TEX46: variants seen among roughly 807,000 people sequenced by gnomAD.
TEX46 encodes testis expressed 46.
TEX46 carries 6 observed loss-of-function variants against 5.3 expected under a neutral mutation model. The ratio of observed to expected loss-of-function variants is 1.13; its 90% confidence interval spans 0.62 to 2.23. TEX46 has a LOEUF of 2.23. Ranked by LOEUF, TEX46 falls within the 30% of genes most tolerant of loss-of-function variation. TEX46 has a pLI of 0.00. For missense variants in TEX46, 131 were observed against 150.9 expected (o/e 0.87, Z 0.69); for synonymous variants, 41 against 54.6 (o/e 0.75, Z 1.10).
chr1:23,014,147 T>C, intron 1 of TEX46, 102 bp from the exon 2 acceptor site: 1 of 1,438,084 alleles, frequency 7.0e-7, no homozygotes, highest in East Asian at 2.5e-5. Flanking sequence ...GGCCACCCAC[T>C]CCTCTGAGTC....
chr1:23,012,237 G>C (rs1641360960), intron 2 of TEX46, among the ~76,000 whole-genome samples: 1 of 151,972 alleles, frequency 6.6e-6, no homozygotes, highest in Non-Finnish European at 1.5e-5. Flanking sequence ...CAGCTACTTG[G>C]GAGGCTGAGG....
Position 23,014,946 on chromosome 1 carries a change from G to A in TEX46, c.2+826C>T, listed in dbSNP as rs183711898. Reference sequence around the variant, plus strand: ...CAACCTCTGCCTCCCAGGTTCAAGCGATTTTCCTGCCTTAGCCTCCCAAGT... The same window carrying A: ...CAACCTCTGCCTCCCAGGTTCAAGCAATTTTCCTGCCTTAGCCTCCCAAGT... On this transcript the variant is annotated intron_variant, in intron 1 of 2. Coordinates refer to ENST00000566855, the MANE Select transcript of TEX46 (RefSeq NM_001242521.2). 3.3e-3 allele frequency among the ~76,000 whole-genome samples: 504 copies of A among 152,034 alleles called. 3 individuals are homozygous for A. Among genetic ancestry groups the A allele is most frequent in the Non-Finnish European group, 5.2e-3 (356 of 67,972 alleles).
At chr1:23,011,607 T>C (rs141186853) in intron 2 of TEX46, among the ~76,000 whole-genome samples, 18 of 152,330 alleles carry the variant, frequency 1.2e-4, no homozygotes, top group African/African-American at 3.6e-4. Flanking sequence ...TAATTATTAA[T>C]AGAGGCAGGG....
At chr1:23,015,133 G>A (rs566532010) in intron 1 of TEX46, among the ~76,000 whole-genome samples, 95 of 149,286 alleles carry the variant, frequency 6.4e-4, no homozygotes, top group African/African-American at 1.7e-3. Flanking sequence ...GTGAGTCCCC[G>A]TGCCCAGTGA....
intron 1 of TEX46, 51 bp downstream of exon 1, chr1:23,015,721 T>G: frequency 1.4e-6 from 1 of 690,214 alleles, no homozygotes; most frequent in Non-Finnish European, 2.6e-6. Context: ...TTAAGCTAAG[T>G]GAAATAAGTC....
At chr1:23,011,159 GTTC>G in intron 2 of TEX46, 58 bp from the exon 3 acceptor site, 1 of 1,366,568 alleles carries the variant, frequency 7.3e-7, no homozygotes, top group Non-Finnish European at 1.0e-6. Context: ...CGGCCTTGCT[GTTC>G]TTGGAGTCGT....
intron 2 of TEX46, among the ~76,000 whole-genome samples, chr1:23,013,141 T>C (rs1207726604): frequency 1.3e-5 from 2 of 152,146 alleles, no homozygotes; most frequent in African/African-American, 4.8e-5. Context: ...GTGCAGGGAT[T>C]ATAGCTGTGA....
chr1:23,014,356 A>C (rs536406142), intron 1 of TEX46, among the ~76,000 whole-genome samples: 1 of 152,236 alleles, frequency 6.6e-6, no homozygotes, highest in African/African-American at 2.4e-5. Flanking sequence ...TAGCAAAAAA[A>C]ATGGCCAATA....
chr1:23,011,925 A>G (rs2124288863), intron 2 of TEX46, among the ~76,000 whole-genome samples: 2 of 152,286 alleles, frequency 1.3e-5, no homozygotes, highest in South Asian at 4.1e-4. Flanking sequence ...GTACGATCTC[A>G]AACTGCGAAG....
At chr1:23,011,149 C>A in intron 2 of TEX46, 48 bp from the exon 3 acceptor site, 1 of 1,444,862 alleles carries the variant, frequency 6.9e-7, no homozygotes, top group Non-Finnish European at 9.4e-7. Context: ...TTTGTGTTCA[C>A]GGCCTTGCTG....
chr1:23,013,758 A>T, intron 2 of TEX46, 125 bp downstream of exon 2: 1 of 859,216 alleles, frequency 1.2e-6, no homozygotes, highest in Non-Finnish European at 1.8e-6. Flanking sequence ...GTGGTGGTTT[A>T]GACCAGTCTT....
chr1:23,013,970 G>A lies in TEX46; in HGVS notation c.78C>T (p.Ala26=). The change falls in exon 2 of 3, where the codon GCC becomes GCT. Residue 26 remains alanine (A), a synonymous_variant. Transcript: ENST00000566855. ...GCAGAAGGAATAGGAACCCAAACAA[G>A]GCTGGCTTATAGCTCATCAGCCAAG... ...VAAWLMSYKP[A]LFGFLFLLLL... 1 of 1,535,910 alleles carries A rather than the reference G, an allele frequency of 6.5e-7. No individual in the cohort carries two copies. The highest frequency in any genetic ancestry group is 8.7e-7 in the Non-Finnish European group (1 of 1,146,836).
chr1:23,011,318 C>G (rs1641349287), intron 2 of TEX46: 1 of 481,306 alleles, frequency 2.1e-6, no homozygotes, highest in Non-Finnish European at 3.7e-6. Context: ...AACAGAGTCT[C>G]ACAACTGCCT....
intron 2 of TEX46, 173 bp from the exon 3 acceptor site, chr1:23,011,274 T>C: frequency 1.7e-6 from 1 of 589,700 alleles, no homozygotes; most frequent in Non-Finnish European, 3.0e-6. Flanking sequence ...CTTGAACACC[T>C]GCTCTGTGCC....
intron 2 of TEX46, among the ~76,000 whole-genome samples, chr1:23,011,874 C>T (rs1047384036): frequency 2.0e-5 from 3 of 152,186 alleles, no homozygotes; most frequent in African/African-American, 4.8e-5. Flanking sequence ...CTCCAGAGCC[C>T]GTTTTTCCAA....
intron 2 of TEX46, among the ~76,000 whole-genome samples, chr1:23,013,464 C>T (rs368946304): frequency 6.6e-5 from 10 of 152,316 alleles, no homozygotes; most frequent in Admixed American, 4.6e-4. Flanking sequence ...TGAGCCACTG[C>T]GCCCAGCCTA....
At chr1:23,014,734 T>A (rs575439244) in intron 1 of TEX46, among the ~76,000 whole-genome samples, 63 of 152,004 alleles carry the variant, frequency 4.1e-4, no homozygotes, top group African/African-American at 1.3e-3. Flanking sequence ...AAAAAAAAAA[T>A]TATTTTTTTA....
chr1:23,015,694 G>A (rs1641410691), intron 1 of TEX46, 78 bp downstream of exon 1: 1 of 672,928 alleles, frequency 1.5e-6, no homozygotes. Context: ...TTACAACATA[G>A]ATGAACCTTG....
chr1:23,014,163 C>CCGCGGGG, intron 1 of TEX46, 118 bp from the exon 2 acceptor site: 2 of 1,416,804 alleles, frequency 1.4e-6, no homozygotes, highest in Non-Finnish European at 1.8e-6. Flanking sequence ...GAGTCATAGC[C>CCGCGGGG]AGCTCCCTCC....
Sources: gnomAD v4.1 joint callset for allele counts (sites outside exome capture counted in the v4.1 genomes callset) on GRCh38, gnomAD v4.1.1 for gene constraint, MANE v1.5 for transcripts, NCBI Gene and HGNC (gene_info 2026-07-23, HGNC 2026-07-21) for gene names.